GRID1: variants seen among roughly 807,000 people sequenced by gnomAD.
GRID1 encodes the protein glutamate ionotropic receptor delta type subunit 1, also known as glutamate receptor ionotropic, delta-1.
A neutral mutation model predicts 98.0 loss-of-function variants in GRID1; 28 were observed. The observed-to-expected ratio is 0.29, with a 90% CI of 0.21 to 0.39. The LOEUF is 0.39. GRID1 is among the 10% of genes least tolerant of loss of function. GRID1 has a pLI of 1.00. For missense variants in GRID1, 1,111 were observed against 1,340.5 expected, an observed-to-expected ratio of 0.83 and a Z score of 2.67; for synonymous variants, 553 against 538.5, an observed-to-expected ratio of 1.03 and a Z score of -0.37.
chr10:86,242,915 T>C (rs1447796863), intron 2 of GRID1, among the ~76,000 whole-genome samples: 1 of 152,084 alleles, frequency 6.6e-6, no homozygotes, highest in Non-Finnish European at 1.5e-5. Flanking sequence ...ACACTGCTTG[T>C]CCATCAGCTC....
intron 4 of GRID1, among the ~76,000 whole-genome samples, chr10:85,947,804 C>A (rs1403657857): frequency 6.6e-6 from 1 of 152,246 alleles, no homozygotes; most frequent in Non-Finnish European, 1.5e-5. Flanking sequence ...CGTCCCAATA[C>A]ACTCAATAGC....
At chr10:86,221,307 C>G (rs185123408) in intron 2 of GRID1, among the ~76,000 whole-genome samples, 333 of 152,344 alleles carry the variant, frequency 2.2e-3, no homozygotes, top group Admixed American at 3.5e-3. Context: ...TGGTGAGGCT[C>G]CATCTTCCCA....
chr10:86,030,001 C>A (rs1314108884), intron 4 of GRID1, among the ~76,000 whole-genome samples: 1 of 152,194 alleles, frequency 6.6e-6, no homozygotes, highest in Non-Finnish European at 1.5e-5. Context: ...CATGGTAGCA[C>A]CTTCTAACTG....
At chr10:85,944,030 C>T (rs879267516) in intron 4 of GRID1, among the ~76,000 whole-genome samples, 11 of 152,216 alleles carry the variant, frequency 7.2e-5, no homozygotes, top group Non-Finnish European at 1.0e-4. Flanking sequence ...CAGTCTCTGT[C>T]TAGCCTGGTG....
chr10:85,749,824 T>C (rs1842029753), intron 8 of GRID1, among the ~76,000 whole-genome samples: 1 of 152,224 alleles, frequency 6.6e-6, no homozygotes, highest in Non-Finnish European at 1.5e-5. Context: ...ATTAGTCAGT[T>C]ATCATTTTCC....
Position 85,749,620 on chromosome 10 carries a change from A to G in GRID1, c.1234-20006T>C, listed in dbSNP as rs148999754. Among the ~76,000 whole-genome samples the G allele has an allele frequency of 7.9e-5, 12 of 152,262 alleles. 1 individual carries two copies. The East Asian group carries it at 2.1e-3, about 27-fold the overall frequency. Reference sequence around the variant, plus strand: ...AGATCCAAATTCCCAAGCATAACCTACAACATTCTATACGATCTGACCACT... The same window carrying G: ...AGATCCAAATTCCCAAGCATAACCTGCAACATTCTATACGATCTGACCACT... On this transcript the variant is annotated intron_variant, in intron 8 of 15. Coordinates refer to ENST00000327946, the MANE Select transcript of GRID1 (RefSeq NM_017551.3).
intron 8 of GRID1, among the ~76,000 whole-genome samples, chr10:85,844,537 T>C (rs1415109823): frequency 6.6e-6 from 1 of 151,956 alleles, no homozygotes; most frequent in South Asian, 2.1e-4. Flanking sequence ...CCTTATTGTG[T>C]TATTGCATAA....
At chr10:85,920,281 T>A (rs1338986698) in intron 4 of GRID1, among the ~76,000 whole-genome samples, 2 of 152,048 alleles carry the variant, frequency 1.3e-5, no homozygotes, top group Non-Finnish European at 2.9e-5. Context: ...CCACTTAGGG[T>A]TATTGTGAGA....
chr10:86,361,629 C>G (rs1481265713), intron 2 of GRID1, among the ~76,000 whole-genome samples: 1 of 152,278 alleles, frequency 6.6e-6, no homozygotes, highest in South Asian at 2.1e-4. Context: ...TGCTTTGGGG[C>G]GCTTACAGGT....
At chr10:86,168,719 T>C (rs1357481601) in intron 3 of GRID1, among the ~76,000 whole-genome samples, 2 of 152,010 alleles carry the variant, frequency 1.3e-5, no homozygotes, top group African/African-American at 2.4e-5. Context: ...CAGAGACACA[T>C]AGAAATACCC....
chr10:85,978,159 C>T (rs182056292), intron 4 of GRID1, among the ~76,000 whole-genome samples: 31 of 152,130 alleles, frequency 2.0e-4, no homozygotes, highest in African/African-American at 6.0e-4. Flanking sequence ...GTCCATGCAG[C>T]GTCTTCCCTA....
At chr10:85,773,208 A>G (rs376691236) in intron 8 of GRID1, among the ~76,000 whole-genome samples, 1 of 152,266 alleles carries the variant, frequency 6.6e-6, no homozygotes, top group East Asian at 1.9e-4. Context: ...TATAAACAGA[A>G]CCAAAGACAA....
intron 12 of GRID1, among the ~76,000 whole-genome samples, chr10:85,673,702 A>G (rs949609449): frequency 6.6e-6 from 1 of 152,258 alleles, no homozygotes; most frequent in Admixed American, 6.5e-5. Flanking sequence ...TTAATAGACT[A>G]CAGTATAATA....
intron 3 of GRID1, among the ~76,000 whole-genome samples, chr10:86,173,330 C>T (rs1414152682): frequency 2.0e-5 from 3 of 152,232 alleles, no homozygotes; most frequent in African/African-American, 4.8e-5. Context: ...TAAGCCACTG[C>T]ACCTGGCCTG....
chr10:85,822,663 T>C (rs1437318042), intron 8 of GRID1, among the ~76,000 whole-genome samples: 1 of 152,186 alleles, frequency 6.6e-6, no homozygotes, highest in Non-Finnish European at 1.5e-5. Flanking sequence ...AGAAATACCA[T>C]TTGACCCAGC....
At chr10:86,155,483 C>A (rs532807058) in intron 3 of GRID1, among the ~76,000 whole-genome samples, 3 of 152,312 alleles carry the variant, frequency 2.0e-5, no homozygotes, top group South Asian at 2.1e-4. Context: ...GAAATGAACA[C>A]CCCAGAAAGC....
chr10:85,712,381 T>C (rs1187322711), intron 12 of GRID1, among the ~76,000 whole-genome samples: 1 of 151,820 alleles, frequency 6.6e-6, no homozygotes, highest in Non-Finnish European at 1.5e-5. Flanking sequence ...GACACATGTG[T>C]ACATATACAC....
intron 4 of GRID1, among the ~76,000 whole-genome samples, chr10:86,018,692 A>C (rs1017495227): frequency 1.3e-5 from 2 of 152,154 alleles, no homozygotes; most frequent in Admixed American, 6.5e-5. Flanking sequence ...GGGGCCACAG[A>C]CAAAGACTTG....
chr10:86,206,935 G>A lies in GRID1; in HGVS notation c.236-287C>T, dbSNP rs979772461. ...GCCCTAGGCTAGTCAGGGAAGGATG[G>A]TAGAGCACAGATCCATCCCAAATCT... is the stretch of plus-strand genomic sequence containing the variant. On this transcript the variant is annotated intron_variant, in intron 2 of 15. Coordinates refer to ENST00000327946, the MANE Select transcript of GRID1 (RefSeq NM_017551.3). The surrounding 1 kb of genome is among the most constrained non-coding windows in gnomAD (Gnocchi z 4.1). Among the ~76,000 whole-genome samples, 2 of 152,226 alleles carry A rather than the reference G, an allele frequency of 1.3e-5. No individual in the cohort carries two copies. The highest frequency in any genetic ancestry group is 4.8e-5 in the African/African-American group (2 of 41,454).
Sources: gnomAD v4.1 joint callset for allele counts (sites outside exome capture counted in the v4.1 genomes callset) on GRCh38, gnomAD v4.1.1 for gene constraint, Gnocchi (gnomAD v3.1) non-coding constraint, MANE v1.5 for transcripts, NCBI Gene and HGNC (gene_info 2026-07-23, HGNC 2026-07-21) for gene names.